The following B3GLCT variants were observed in gnomAD, a reference collection of about 807,000 sequenced individuals.
B3GLCT encodes beta-1,3-glucosyltransferase.
Under a neutral mutation model 63.4 loss-of-function variants are expected in B3GLCT, and 65 were observed. The ratio of observed to expected loss-of-function variants is 1.03; its 90% CI spans 0.84 to 1.26. B3GLCT has a LOEUF of 1.26. Ranked by LOEUF, B3GLCT falls within the 50% of genes most tolerant of loss-of-function variation. B3GLCT has a pLI of 0.00. For missense variants in B3GLCT, 577 were observed against 604.8 expected (o/e 0.95, Z 0.48); for synonymous variants, 233 against 219.2 (o/e 1.06, Z -0.55).
chr13:31,200,058 G>C lies in B3GLCT; in HGVS notation c.-27G>C. 1 of 1,337,362 alleles carries C rather than the reference G, an allele frequency of 7.5e-7. No individual in the cohort carries two copies. Among genetic ancestry groups the C allele is most frequent in the South Asian group, 1.5e-5 (1 of 65,358 alleles). The allele number at this position is 1,337,362 out of a possible 1,614,324, so 82.8% of individuals were successfully genotyped here. ...GCGCGTCTCCCTTCCCCGCGCCCAG[G>C]TAGGGCGCTCAGCCTCCGCCGCCAG... On this transcript the variant is annotated 5_prime_UTR_variant, in exon 1 of 15. Coordinates refer to ENST00000343307, the MANE Select transcript of B3GLCT (RefSeq NM_194318.4).
chr13:31,317,837 C>T lies in B3GLCT; in HGVS notation c.1184+152C>T, dbSNP rs925290681. On this transcript the variant is annotated intron_variant, in intron 13 of 14. Transcript: ENST00000343307. ...AATAGGAAAGTGAACATTATATTTG[C>T]TAAATATTAAAAGAACACTCAGTAA... 3.1e-6 allele frequency: 3 copies of T among 957,604 alleles called. No homozygotes were observed. The African/African-American group carries it at 4.9e-5, about 16-fold the overall frequency. The allele number at this position is 957,604 out of a possible 1,614,324, so 59.3% of individuals were successfully genotyped here.
At chr13:31,295,939 G>A (rs1337257393) in intron 12 of B3GLCT, among the ~76,000 whole-genome samples, 1 of 152,214 alleles carries the variant, frequency 6.6e-6, no homozygotes. Context: ...GGGACCTGGT[G>A]GTATAGGTAC....
intron 12 of B3GLCT, among the ~76,000 whole-genome samples, chr13:31,315,955 G>C (rs1338178372): frequency 6.6e-6 from 1 of 152,256 alleles, no homozygotes; most frequent in African/African-American, 2.4e-5. Context: ...AGCTTTAGCA[G>C]CTTCCATGTA....
chr13:31,273,016 A>C (rs933346194), intron 8 of B3GLCT, among the ~76,000 whole-genome samples: 1 of 152,208 alleles, frequency 6.6e-6, no homozygotes, highest in Non-Finnish European at 1.5e-5. Flanking sequence ...AAGCATGCTT[A>C]CATCATGTAG....
At chr13:31,277,999 G>A (rs1433482713) in intron 10 of B3GLCT, among the ~76,000 whole-genome samples, 3 of 152,102 alleles carry the variant, frequency 2.0e-5, no homozygotes, top group Non-Finnish European at 4.4e-5. Context: ...GAAGGGTTTT[G>A]TGGGATTATT....
chr13:31,290,804 G>T (rs546055287), intron 12 of B3GLCT, among the ~76,000 whole-genome samples: 1 of 152,180 alleles, frequency 6.6e-6, no homozygotes, highest in Non-Finnish European at 1.5e-5. Flanking sequence ...CTCCCATTCT[G>T]TAGGTTGCCT....
chr13:31,302,716 A>G, intron 12 of B3GLCT, among the ~76,000 whole-genome samples: 1 of 12,866 alleles, frequency 7.8e-5, no homozygotes, highest in Non-Finnish European at 3.3e-4. Flanking sequence ...CAGCAGTCTG[A>G]GATCAAACTG....
At chr13:31,205,474 G>A (rs1053694216) in intron 1 of B3GLCT, among the ~76,000 whole-genome samples, 1 of 152,038 alleles carries the variant, frequency 6.6e-6, no homozygotes, top group African/African-American at 2.4e-5. Flanking sequence ...CAGGACAATC[G>A]CTTGAACCCA....
intron 1 of B3GLCT, among the ~76,000 whole-genome samples, chr13:31,211,590 T>G (rs1246527683): frequency 7.4e-6 from 1 of 135,648 alleles, no homozygotes; most frequent in Non-Finnish European, 1.6e-5. Flanking sequence ...TTGGTTTGGG[T>G]TTTTTTTTTT....
chr13:31,248,066 T>G, intron 6 of B3GLCT, 100 bp downstream of exon 6: 1 of 694,678 alleles, frequency 1.4e-6, no homozygotes, highest in Non-Finnish European at 2.6e-6. Context: ...AAAAACCACT[T>G]AGTTTAAAAT....
intron 6 of B3GLCT, among the ~76,000 whole-genome samples, chr13:31,260,122 C>A (rs1871953705): frequency 6.6e-6 from 1 of 152,184 alleles, no homozygotes; most frequent in African/African-American, 2.4e-5. Flanking sequence ...GTAGCTCCAG[C>A]CACTGGATTT....
intron 12 of B3GLCT, among the ~76,000 whole-genome samples, chr13:31,292,689 A>C (rs1873730601): frequency 7.9e-6 from 1 of 126,596 alleles, no homozygotes. Context: ...TTTCTATTTT[A>C]TTCTTCTCTC....
At chr13:31,205,235 G>GTT (rs549595159) in intron 1 of B3GLCT, among the ~76,000 whole-genome samples, 6 of 142,096 alleles carry the variant, frequency 4.2e-5, no homozygotes, top group Non-Finnish European at 3.1e-5. Flanking sequence ...ATTTGAGTAG[G>GTT]TTTTTTTTTT....
intron 12 of B3GLCT, among the ~76,000 whole-genome samples, chr13:31,288,136 C>T (rs1337571325): frequency 1.3e-5 from 2 of 151,960 alleles, no homozygotes; most frequent in Non-Finnish European, 2.9e-5. Flanking sequence ...TCAATGAACC[C>T]CAGGCACACC....
At chr13:31,239,221 G>A (rs1250264248) in intron 4 of B3GLCT, among the ~76,000 whole-genome samples, 1 of 152,170 alleles carries the variant, frequency 6.6e-6, no homozygotes, top group African/African-American at 2.4e-5. Context: ...GTGGGGATGT[G>A]GCTGATGACT....
intron 11 of B3GLCT, among the ~76,000 whole-genome samples, chr13:31,285,559 A>G (rs372970734): frequency 7.3e-6 from 1 of 136,682 alleles, no homozygotes; most frequent in South Asian, 2.3e-4. Flanking sequence ...TGTTCCTGCC[A>G]CCCTTTGTTC....
At chr13:31,245,744 T>C (rs1242461830) in intron 4 of B3GLCT, among the ~76,000 whole-genome samples, 1 of 152,168 alleles carries the variant, frequency 6.6e-6, no homozygotes, top group African/African-American at 2.4e-5. Context: ...TTACACATGA[T>C]TTTCTGCTCT....
At chr13:31,310,068 C>G (rs553757039) in intron 12 of B3GLCT, among the ~76,000 whole-genome samples, 1 of 152,258 alleles carries the variant, frequency 6.6e-6, no homozygotes, top group Admixed American at 6.5e-5. Flanking sequence ...AGGCTATCAG[C>G]TCAGGGTGGG....
intron 2 of B3GLCT, 74 bp from the exon 3 acceptor site, chr13:31,222,866 ACCATGCACCATG>A: frequency 1.1e-6 from 1 of 898,608 alleles, no homozygotes; most frequent in Non-Finnish European, 1.9e-6. Flanking sequence ...GCTGATACAT[ACCATGCACCATG>A]CATGTTTACT....
Sources: allele counts gnomAD v4.1 joint callset (sites outside exome capture counted in the v4.1 genomes callset), GRCh38; gene constraint gnomAD v4.1.1; transcripts MANE v1.5; gene names NCBI Gene and HGNC (gene_info 2026-07-23, HGNC 2026-07-21).